The following HEXD variants were observed in gnomAD, a reference collection of about 807,000 sequenced individuals.
HEXD encodes the protein N-acetyl-beta-galactosaminidase.
HEXD carries 47 observed loss-of-function variants against 54.2 expected under a neutral mutation model. The ratio of observed to expected loss-of-function variants is 0.87; its 90% CI spans 0.69 to 1.11. The LOEUF (loss-of-function observed/expected upper bound fraction) is 1.11, where lower values mean the gene tolerates loss of function less well. Among genes scored for constraint, HEXD ranks in the 50% least tolerant of loss-of-function variants. The probability of loss-of-function intolerance (pLI) is 0.00; values close to 1 mark genes in which losing one functional copy is unlikely to be tolerated. For missense variants in HEXD, 576 were observed against 649.2 expected, an observed-to-expected ratio of 0.89 and a Z score of 1.23; for synonymous variants, 293 against 287.6, an observed-to-expected ratio of 1.02 and a Z score of -0.19.
Position 82,441,064 on chromosome 17 carries a change from G to T in HEXD, c.1050G>T (p.Thr350=). 1 of 1,613,576 alleles carries T rather than the reference G, an allele frequency of 6.2e-7. No individual in the cohort carries two copies. The highest frequency in any genetic ancestry group is 1.3e-5 in the African/African-American group (1 of 75,042). The stretch of plus-strand genomic sequence containing the variant: ...TCGGGATTTCCAGCCTGGAAAAAAC[G>T]GACCCTGTTAGGCAAGCACCCTGCA... ...NLLGISSLEK[T]DPVREGAGSF... is the part of the protein sequence containing the mutation. The change falls in exon 10 of 13, where the codon ACG becomes ACT. Residue 350 remains threonine, a synonymous_variant. Transcript: ENST00000327949.
rs766488628 is a variant in HEXD at position 82,436,695 on chromosome 17, G to A, written c.660G>A (p.Pro220=). Residue 220 remains proline (P), a synonymous_variant, in exon 7 of 13, where the codon CCG becomes CCA. Coordinates refer to ENST00000327949, the MANE Select transcript of HEXD (RefSeq NM_001330542.2). Reference sequence around the variant, plus strand: ...CCGGGGTGCCGCAGCTGGTGGAGCCGGTGCTCTGGGACTACACGGCCGACC... The same window carrying A: ...CCGGGGTGCCGCAGCTGGTGGAGCCAGTGCTCTGGGACTACACGGCCGACC... ...AASGVPQLVE[P]VLWDYTADLD... is the part of the protein sequence containing the mutation. 1.4e-5 allele frequency: 22 copies of A among 1,612,042 alleles called. No individual in the cohort carries two copies. Among genetic ancestry groups the A allele is most frequent in the East Asian group, 4.5e-5 (2 of 44,850 alleles).
chr17:82,440,734 C>G, intron 9 of HEXD: 4 of 511,870 alleles, frequency 7.8e-6, no homozygotes, highest in Non-Finnish European at 1.0e-5. Context: ...CACTTGCTGT[C>G]CGGGTGTTGC....
At chr17:82,441,752 C>G in intron 11 of HEXD, 48 bp from the exon 12 acceptor site, 6 of 1,467,926 alleles carry the variant, frequency 4.1e-6, no homozygotes, top group Non-Finnish European at 5.7e-6. Flanking sequence ...AGCCGCCCCA[C>G]GGCTGCCTTG....
intron 1 of HEXD, among the ~76,000 whole-genome samples, chr17:82,419,229 T>C (rs1212954242): frequency 6.6e-6 from 1 of 152,226 alleles, no homozygotes; most frequent in Non-Finnish European, 1.5e-5. Context: ...TTTTCAAAAT[T>C]ATCAGCTTAC....
chr17:82,440,982 C>T lies in HEXD; in HGVS notation c.983-15C>T, dbSNP rs920326097. ...CAGAGGCCCCTCCAACCGCCCCGCT[C>T]ATTTGTGATTTCAGGAGGATTTGAT... is the stretch of plus-strand genomic sequence containing the variant. On this transcript the variant is annotated splice_polypyrimidine_tract_variant and intron_variant, in intron 9 of 12. Coordinates refer to ENST00000327949, the MANE Select transcript of HEXD (RefSeq NM_001330542.2). The T allele has an allele frequency of 3.1e-6, 5 of 1,613,308 alleles. No individual in the cohort carries two copies. The highest frequency in any genetic ancestry group is 3.4e-6 in the Non-Finnish European group (4 of 1,179,928).
At chr17:82,429,408 C>T (rs1323633380) in intron 4 of HEXD, among the ~76,000 whole-genome samples, 4 of 152,254 alleles carry the variant, frequency 2.6e-5, no homozygotes, top group East Asian at 1.9e-4. Context: ...CCACACACCG[C>T]GGGTAAGAAG....
intron 3 of HEXD, chr17:82,426,612 C>A (rs537712763): frequency 8.5e-5 from 13 of 152,244 alleles, no homozygotes; most frequent in Admixed American, 3.9e-4. Context: ...AAATGTTAAA[C>A]CCTCATAGTA....
intron 4 of HEXD, among the ~76,000 whole-genome samples, chr17:82,432,978 A>G (rs1389736080): frequency 7.1e-6 from 1 of 140,806 alleles, no homozygotes; most frequent in Non-Finnish European, 1.5e-5. Flanking sequence ...AGGCAGGAGA[A>G]TGGTGTGAAC....
chr17:82,433,951 C>A, intron 5 of HEXD, 129 bp downstream of exon 5: 1 of 851,828 alleles, frequency 1.2e-6, no homozygotes, highest in Non-Finnish European at 1.7e-6. Flanking sequence ...GCACCCCATC[C>A]AACATCTTCT....
chr17:82,437,338 G>A lies in HEXD; in HGVS notation c.874G>A (p.Gly292Ser). The change falls in exon 8 of 13, where the codon GGC (glycine) becomes AGC (serine). Residue 292 changes from glycine to serine, a missense_variant. Gly to Ser is a moderately conservative substitution (Grantham distance 56). Transcript: ENST00000327949. ...CAGCGGGCCCACGGACTCACTGCAG[G>A]GCATCATCCTGACCGGCTGGCAGAG... Reference protein sequence around the residue: ...AGSGPTDSLQGIILTGWQRYD... With the variant: ...AGSGPTDSLQSIILTGWQRYD... 1 of 1,606,880 alleles carries A rather than the reference G, an allele frequency of 6.2e-7. No homozygotes were observed. Among genetic ancestry groups the A allele is most frequent in the Non-Finnish European group, 8.5e-7 (1 of 1,176,692 alleles).
At chr17:82,436,936 C>T in intron 7 of HEXD, 198 bp downstream of exon 7, 1 of 628,152 alleles carries the variant, frequency 1.6e-6, no homozygotes, top group Non-Finnish European at 2.8e-6. Flanking sequence ...CCTCCCTGTT[C>T]CACCAGTGTT....
intron 4 of HEXD, among the ~76,000 whole-genome samples, chr17:82,432,345 GCA>G (rs1157354901): frequency 6.6e-6 from 1 of 152,150 alleles, no homozygotes; most frequent in East Asian, 2.0e-4. Flanking sequence ...AGCAGGGACT[GCA>G]CCCTCTGGCA....
intron 2 of HEXD, among the ~76,000 whole-genome samples, chr17:82,422,264 C>G (rs1189534222): frequency 6.6e-6 from 1 of 152,008 alleles, no homozygotes; most frequent in East Asian, 1.9e-4. Context: ...AACACTGTTC[C>G]ATAATATTTC....
chr17:82,440,312 G>T, intron 9 of HEXD: 1 of 1,259,050 alleles, frequency 7.9e-7, no homozygotes, highest in Non-Finnish European at 1.0e-6. Flanking sequence ...AGGCGCGGCG[G>T]CCCAGGGACG....
chr17:82,419,662 G>A, intron 1 of HEXD, 87 bp from the exon 2 acceptor site: 1 of 551,674 alleles, frequency 1.8e-6, no homozygotes. Context: ...AAACTGGCCA[G>A]TATCAGAACT....
Position 82,419,854 on chromosome 17 carries a change from G to A in HEXD, c.55G>A (p.Ala19Thr), listed in dbSNP as rs1268863008. 3.1e-6 allele frequency: 5 copies of A among 1,611,730 alleles called. No individual in the cohort carries two copies. The highest frequency in any genetic ancestry group is 4.2e-6 in the Non-Finnish European group (5 of 1,177,940). The change falls in exon 2 of 13, where the codon GCT becomes ACT. Residue 19 changes from alanine to threonine, a missense_variant. Coordinates refer to ENST00000327949, the MANE Select transcript of HEXD (RefSeq NM_001330542.2). Reference protein sequence around the residue: ...MRLVHLDLKGAPPKVSYLSEI... With the variant: ...MRLVHLDLKGTPPKVSYLSEI... ...ATTAGTTCATTTAGACCTTAAAGGAGCTCCACCAAAGGTCTCGTACCTCTC... is the reference window on the plus strand; with the variant it reads ...ATTAGTTCATTTAGACCTTAAAGGAACTCCACCAAAGGTCTCGTACCTCTC...
chr17:82,435,307 A>G (rs1488899189), intron 5 of HEXD, among the ~76,000 whole-genome samples: 1 of 152,084 alleles, frequency 6.6e-6, no homozygotes, highest in Non-Finnish European at 1.5e-5. Flanking sequence ...TTCCACGGGT[A>G]CCGAGTCACA....
Position 82,437,213 on chromosome 17 carries a change from G to A in HEXD, c.749G>A (p.Trp250Ter). ...KYRRCGFPQL[W>*]AASAFKGATG... ...CGGCGGTGCGGCTTTCCGCAGCTGT[G>A]GGCAGCCAGTGCCTTCAAGGGTGCC... The change falls in exon 8 of 13, where the codon TGG becomes TAG. Residue 250 changes from tryptophan (W) to a stop codon, truncating the protein, a stop_gained. Coordinates refer to ENST00000327949, the MANE Select transcript of HEXD (RefSeq NM_001330542.2). LOFTEE classifies it high-confidence loss of function. The A allele has an allele frequency of 1.2e-6, 2 of 1,605,704 alleles. No homozygotes were observed. The highest frequency in any genetic ancestry group is 1.7e-6 in the Non-Finnish European group (2 of 1,175,056).
rs1324245926 is a variant in HEXD, at chr17:82,418,499, C to T, written c.-293C>T. ...CTGAGGAGCCATCGGACCAGGCCGC[C>T]GCGGAGCCGGGCCGGACGCGGGCGC... On this transcript the variant is annotated 5_prime_UTR_variant, in exon 1 of 13. Transcript: ENST00000327949. 1 of 1,370,778 alleles carries T rather than the reference C, an allele frequency of 7.3e-7. No individual in the cohort carries two copies. The highest frequency in any genetic ancestry group is 9.4e-7 in the Non-Finnish European group (1 of 1,063,080). The allele number at this position is 1,370,778 out of a possible 1,614,324, so 84.9% of individuals were successfully genotyped here.
Sources: allele counts gnomAD v4.1 joint callset (sites outside exome capture counted in the v4.1 genomes callset), GRCh38; gene constraint gnomAD v4.1.1; transcripts MANE v1.5; gene names NCBI Gene and HGNC (gene_info 2026-07-23, HGNC 2026-07-21).